SCAI: variants seen among roughly 807,000 people sequenced by gnomAD.
SCAI encodes suppressor of cancer cell invasion.
A neutral mutation model predicts 92.2 loss-of-function variants in SCAI; 24 were observed. The observed-to-expected ratio is 0.26, with a 90% CI of 0.19 to 0.37. The LOEUF is 0.37. Among genes scored for constraint, SCAI ranks in the 10% least tolerant of loss-of-function variants. The probability of loss-of-function intolerance (pLI) is 1.00; values close to 1 mark genes in which losing one functional copy is unlikely to be tolerated. For synonymous variants in SCAI, 261 were observed against 258.6 expected (o/e 1.01, Z -0.09); for missense variants, 450 against 736.2 (o/e 0.61, Z 4.50).
chr9:125,075,993 C>T (rs183161267), intron 2 of SCAI, among the ~76,000 whole-genome samples: 2 of 152,260 alleles, frequency 1.3e-5, no homozygotes, highest in Admixed American at 6.5e-5. Context: ...CTACCACACC[C>T]AGCCAACAGA....
chr9:125,143,459 G>C lies in SCAI; in HGVS notation c.-22C>G. ...CCATCCGGCTCCTGCTCCGCCGCGGGAGCTGCTCCGGCGGCCGCAGGGCTC... is the reference window on the plus strand; with the variant it reads ...CCATCCGGCTCCTGCTCCGCCGCGGCAGCTGCTCCGGCGGCCGCAGGGCTC... On this transcript the variant is annotated 5_prime_UTR_variant, in exon 1 of 18. Transcript: ENST00000336505. The C allele has an allele frequency of 7.5e-7, 1 of 1,341,984 alleles. No individual in the cohort carries two copies. Among genetic ancestry groups the C allele is most frequent in the Non-Finnish European group, 9.6e-7 (1 of 1,045,584 alleles). 83.1% of individuals were successfully genotyped at this position (1,341,984 alleles called of 1,614,324 possible).
At chr9:125,055,236 G>T (rs1449260924) in intron 3 of SCAI, among the ~76,000 whole-genome samples, 1 of 152,052 alleles carries the variant, frequency 6.6e-6, no homozygotes, top group East Asian at 1.9e-4. Context: ...TTTATCCCTA[G>T]AATTTTACCT....
Position 124,976,118 on chromosome 9 carries a change from T to A in SCAI, c.1395A>T (p.Leu465Phe), listed in dbSNP as rs1831749383. The change falls in exon 15 of 18, where the codon TTA becomes TTT. Residue 465 changes from leucine (L) to phenylalanine (F), a missense_variant. By Grantham distance (22) the Leu-to-Phe change is conservative. Around this residue, in one of 3 missense-constraint regions of SCAI, gnomAD observed 360 missense variants for 601.8 expected, o/e 0.60. Transcript: ENST00000336505. Reference protein sequence around the residue: ...LLSPTAYPKALQDQSQRGSLF... With the variant: ...LLSPTAYPKAFQDQSQRGSLF... ...CCAGGCAATGAGGGTACATACCTTG[T>A]AAAGCTTTTGGATATGCTGTAGGAG... The A allele has an allele frequency of 6.2e-7, 1 of 1,608,576 alleles. No individual in the cohort carries two copies. The highest frequency in any genetic ancestry group is 1.3e-5 in the African/African-American group (1 of 74,948).
rs34277435 is a variant in SCAI, at chr9:125,104,603, TAA to T, written c.98+38028_98+38029del. ...AGATTTCTGATCCTGTGTTTTACTT[TAA>T]AAAAAAAAAAAAAAAAAGGCCAGTG... On this transcript the variant is annotated intron_variant, in intron 2 of 17. Transcript: ENST00000336505. Among the ~76,000 whole-genome samples the T allele has an allele frequency of 4.0e-3, 527 of 130,364 alleles. 7 individuals are homozygous for T. The highest frequency in any genetic ancestry group is 0.012 in the Admixed American group (152 of 12,868). 85.5% of individuals were successfully genotyped at this position (130,364 alleles called of 152,430 possible).
chr9:125,105,142 G>C (rs887577536), intron 2 of SCAI, among the ~76,000 whole-genome samples: 1 of 151,746 alleles, frequency 6.6e-6, no homozygotes, highest in African/African-American at 2.4e-5. Context: ...CTCCAGCCTG[G>C]CCAACATAGT....
At chr9:125,005,359 T>C (rs966873633) in intron 9 of SCAI, among the ~76,000 whole-genome samples, 6 of 152,090 alleles carry the variant, frequency 3.9e-5, no homozygotes, top group Non-Finnish European at 8.8e-5. Context: ...TGTATGTGAG[T>C]TTCGCTCTGT....
chr9:125,117,749 T>A (rs1056101198), intron 2 of SCAI, among the ~76,000 whole-genome samples: 3 of 151,434 alleles, frequency 2.0e-5, no homozygotes, highest in African/African-American at 4.8e-5. Flanking sequence ...GCTGCTTTCA[T>A]TTATTTTATG....
chr9:125,100,019 AG>A (rs1834646208), intron 2 of SCAI, among the ~76,000 whole-genome samples: 1 of 152,264 alleles, frequency 6.6e-6, no homozygotes, highest in Non-Finnish European at 1.5e-5. Context: ...AATCTGTTCA[AG>A]TACCTGCTTT....
chr9:125,104,986 A>C (rs1240994905), intron 2 of SCAI, among the ~76,000 whole-genome samples: 1 of 151,418 alleles, frequency 6.6e-6, no homozygotes, highest in Non-Finnish European at 1.5e-5. Context: ...ATTTAGTGTC[A>C]ACACTGTTTT....
Position 125,071,111 on chromosome 9 carries a change from C to G in SCAI, c.99-15104G>C, listed in dbSNP as rs74551002. Among the ~76,000 whole-genome samples the G allele has an allele frequency of 8.5e-5, 13 of 152,272 alleles. No homozygotes were observed. The East Asian group carries it at 2.5e-3, about 29-fold the overall frequency. ...CCTTCCACCATGATTGTGAGGCCTC[C>G]TAGCTACATGGAGGTGTGAGTCCAT... On this transcript the variant is annotated intron_variant, in intron 2 of 17. Transcript: ENST00000336505.
chr9:125,004,756 TA>T (rs1564374531), intron 9 of SCAI, among the ~76,000 whole-genome samples: 347 of 9,322 alleles, frequency 0.037, 6 homozygotes, highest in African/African-American at 0.09. Flanking sequence ...TATATATATA[TA>T]TATATATATA....
chr9:125,003,158 G>A lies in SCAI; in HGVS notation c.1021C>T (p.Pro341Ser). ...AAGGTATATAGCTGGCTGAAGGTTG[G>A]TTTGTAGAGCAGATACTTGTGGGGG... Reference protein sequence around the residue: ...ENPHKYLLYKPTFSQLYTFLA... With the variant: ...ENPHKYLLYKSTFSQLYTFLA... The change falls in exon 11 of 18, where the codon CCA becomes TCA. Residue 341 changes from proline to serine, a missense_variant. By Grantham distance (74) the Pro-to-Ser change is moderately conservative. Around this residue, in one of 3 missense-constraint regions of SCAI, gnomAD observed 360 missense variants for 601.8 expected, o/e 0.60. Transcript: ENST00000336505. 1 of 1,614,038 alleles carries A rather than the reference G, an allele frequency of 6.2e-7. No individual in the cohort carries two copies. The highest frequency in any genetic ancestry group is 8.5e-7 in the Non-Finnish European group (1 of 1,179,916).
At chr9:125,013,407 C>A (rs1026458115) in intron 9 of SCAI, among the ~76,000 whole-genome samples, 40 of 151,864 alleles carry the variant, frequency 2.6e-4, no homozygotes, top group African/African-American at 9.4e-4. Context: ...TACACCTCTA[C>A]GCAAATAAAC....
intron 2 of SCAI, among the ~76,000 whole-genome samples, chr9:125,074,536 G>A (rs991376067): frequency 2.7e-5 from 4 of 150,618 alleles, no homozygotes; most frequent in Middle Eastern, 3.4e-3. Flanking sequence ...TGGATTACAC[G>A]CATGAGCCTG....
chr9:125,027,117 G>A (rs1162950538), intron 5 of SCAI, among the ~76,000 whole-genome samples: 1 of 151,884 alleles, frequency 6.6e-6, no homozygotes, highest in African/African-American at 2.4e-5. Context: ...AAACCTCCTC[G>A]CTGCATCCAA....
intron 3 of SCAI, among the ~76,000 whole-genome samples, chr9:125,039,755 A>C (rs1054941977): frequency 6.6e-5 from 10 of 152,184 alleles, no homozygotes; most frequent in African/African-American, 2.4e-4. Flanking sequence ...GCAATAGAGA[A>C]GACAAGCTCT....
intron 13 of SCAI, among the ~76,000 whole-genome samples, chr9:124,997,260 A>G (rs1468080810): frequency 6.6e-6 from 1 of 152,200 alleles, no homozygotes; most frequent in Non-Finnish European, 1.5e-5. Context: ...TGCACAACAC[A>G]TAGTTTATCC....
At position 125,002,488 on chromosome 9, in the gene SCAI, G is replaced by GTTTTTTTTTTTTTTTTTTTTT. The variant is rs58586769; in HGVS notation, c.1066-446_1066-445insAAAAAAAAAAAAAAAAAAAAA. Among the ~76,000 whole-genome samples, 17 of 125,098 alleles carry GTTTTTTTTTTTTTTTTTTTTT rather than the reference G, an allele frequency of 1.4e-4. 1 individual carries two copies. Among genetic ancestry groups the GTTTTTTTTTTTTTTTTTTTTT allele is most frequent in the African/African-American group, 4.1e-4 (13 of 31,668 alleles). 82.1% of individuals were successfully genotyped at this position (125,098 alleles called of 152,430 possible). On this transcript the variant is annotated intron_variant, in intron 11 of 17. Coordinates refer to ENST00000336505, the MANE Select transcript of SCAI (RefSeq NM_001144877.3). ...ACACTCTGCTTTTGTTTTTTAGTCTGTTTTTTTTTTTGAAACAGAGTTTCA... is the reference window on the plus strand; with the variant it reads ...ACACTCTGCTTTTGTTTTTTAGTCTGTTTTTTTTTTTTTTTTTTTTTTTTTTTTTTTTGAAACAGAGTTTCA...
chr9:125,049,095 A>T (rs1833504287), intron 3 of SCAI, among the ~76,000 whole-genome samples: 1 of 152,080 alleles, frequency 6.6e-6, no homozygotes, highest in Non-Finnish European at 1.5e-5. Context: ...ATTTAAGACT[A>T]GTACACTTCA....
Sources: allele counts gnomAD v4.1 joint callset (sites outside exome capture counted in the v4.1 genomes callset), GRCh38; gene constraint gnomAD v4.1.1; regional missense constraint gnomAD v4.1.1; transcripts MANE v1.5; gene names NCBI Gene and HGNC (gene_info 2026-07-23, HGNC 2026-07-21).